The following FCHO2 variants were observed in gnomAD, a reference collection of about 807,000 sequenced individuals.
The protein encoded by FCHO2 is F-BAR domain only protein 2.
Under a neutral mutation model 114.1 loss-of-function variants are expected in FCHO2, and 43 were observed. The observed-to-expected ratio is 0.38, with a 90% CI of 0.30 to 0.49. The LOEUF is 0.49. Ranked by LOEUF, FCHO2 falls within the 20% of genes least tolerant of loss-of-function variation. The probability of loss-of-function intolerance (pLI) is 0.97; values close to 1 mark genes in which losing one functional copy is unlikely to be tolerated. For synonymous variants in FCHO2, 293 were observed against 315.2 expected, an observed-to-expected ratio of 0.93 and a Z score of 0.75; for missense variants, 807 against 950.4, an observed-to-expected ratio of 0.85 and a Z score of 1.98.
chr5:72,977,796 A>G (rs764441072), intron 2 of FCHO2, among the ~76,000 whole-genome samples: 10 of 152,150 alleles, frequency 6.6e-5, no homozygotes, highest in Non-Finnish European at 1.2e-4. Context: ...AATTTTTTGT[A>G]TAAGGTGTAA....
At chr5:73,079,803 C>T (rs1743032568) in intron 22 of FCHO2, among the ~76,000 whole-genome samples, 1 of 152,116 alleles carries the variant, frequency 6.6e-6, no homozygotes. Context: ...CCCACAGGGC[C>T]AACTATGTTT....
At chr5:72,961,482 T>A (rs909718524) in intron 1 of FCHO2, among the ~76,000 whole-genome samples, 1 of 152,202 alleles carries the variant, frequency 6.6e-6, no homozygotes, top group Non-Finnish European at 1.5e-5. Context: ...CTTTATACAT[T>A]AAGAGATTTG....
rs746686999 is a variant in FCHO2 at position 73,052,358 on chromosome 5, T to C, written c.1024T>C (p.Ser342Pro). ...NDTKENHFYS[S>P]SDSDSEDEEP... Reference sequence around the variant, plus strand: ...TACCAAAGAGAACCATTTCTACTCATCTAGTGATTCTGACTCCGAAGATGA... The same window carrying C: ...TACCAAAGAGAACCATTTCTACTCACCTAGTGATTCTGACTCCGAAGATGA... Residue 342 changes from serine (S) to proline (P), a missense_variant, in exon 13 of 26, where the codon TCT (serine) becomes CCT (proline). Physicochemically the swap from Ser to Pro is moderately conservative, Grantham distance 74. Coordinates refer to ENST00000430046, the MANE Select transcript of FCHO2 (RefSeq NM_138782.3). The C allele has an allele frequency of 6.2e-7, 1 of 1,608,922 alleles. No individual in the cohort carries two copies. The highest frequency in any genetic ancestry group is 8.5e-7 in the Non-Finnish European group (1 of 1,177,454).
chr5:73,034,868 G>A (rs1440364874), intron 9 of FCHO2, among the ~76,000 whole-genome samples, 167 bp downstream of exon 9: 1 of 152,150 alleles, frequency 6.6e-6, no homozygotes, highest in Non-Finnish European at 1.5e-5. Flanking sequence ...GCTACTTGCT[G>A]CTTAATAAAT....
At chr5:72,992,456 G>A (rs529995777) in intron 5 of FCHO2, among the ~76,000 whole-genome samples, 4 of 152,244 alleles carry the variant, frequency 2.6e-5, no homozygotes, top group South Asian at 2.1e-4. Flanking sequence ...AAAATGGCAC[G>A]TAGAGATTGA....
chr5:72,991,001 C>A, intron 5 of FCHO2, 137 bp downstream of exon 5: 1 of 908,554 alleles, frequency 1.1e-6, no homozygotes. Flanking sequence ...TAGTGATTAC[C>A]CAAGTAAAAC....
chr5:73,054,415 A>G lies in FCHO2; in HGVS notation c.1186-110A>G, dbSNP rs903557814. 2.4e-4 allele frequency: 230 copies of G among 974,112 alleles called. 1 individual carries two copies. In the African/African-American group the frequency reaches 3.2e-3, roughly 13 times the overall value. 60.3% of individuals were successfully genotyped at this position (974,112 alleles called of 1,614,324 possible). A position where few individuals can be genotyped will look rare whatever the true frequency, so the allele number is the denominator to read the frequency against. On this transcript the variant is annotated intron_variant, in intron 14 of 25. Transcript: ENST00000430046. ...ATGTAAATACACTTTACAATTGAGC[A>G]GATATACTAAAAACAACATAAAATT...
chr5:73,055,540 G>A (rs979460099), intron 15 of FCHO2, among the ~76,000 whole-genome samples: 3 of 152,074 alleles, frequency 2.0e-5, no homozygotes, highest in African/African-American at 7.2e-5. Context: ...GTGAAATGAG[G>A]CACATTACAA....
At chr5:73,054,502 C>A in intron 14 of FCHO2, 23 bp from the exon 15 acceptor site, 1 of 1,527,064 alleles carries the variant, frequency 6.5e-7, no homozygotes, top group Non-Finnish European at 8.8e-7. Flanking sequence ...TTTTATGGTA[C>A]CTATTTTGCA....
chr5:73,038,546 G>T (rs2112803956), intron 10 of FCHO2, among the ~76,000 whole-genome samples: 1 of 152,310 alleles, frequency 6.6e-6, no homozygotes, highest in East Asian at 1.9e-4. Context: ...ATTCTCATGA[G>T]ATTTAATATT....
intron 19 of FCHO2, among the ~76,000 whole-genome samples, chr5:73,070,624 G>A (rs1242329532): frequency 6.7e-6 from 1 of 148,820 alleles, no homozygotes; most frequent in African/African-American, 2.5e-5. Flanking sequence ...TGTTTGTGAT[G>A]GAAACTTTAA....
rs112459766 is a variant in FCHO2 at position 72,963,074 on chromosome 5, A to G, written c.34-5424A>G. On this transcript the variant is annotated intron_variant, in intron 1 of 25. Coordinates refer to ENST00000430046, the MANE Select transcript of FCHO2 (RefSeq NM_138782.3). ...ATGTTGCTGGAATGGCCAGAGTCAG[A>G]GATAATTAAACTGGAAAGTGTTACA... Among the ~76,000 whole-genome samples the G allele has an allele frequency of 1.3e-3, 201 of 152,290 alleles. 1 individual carries two copies. Among genetic ancestry groups the G allele is most frequent in the African/African-American group, 4.7e-3 (194 of 41,562 alleles).
chr5:73,078,410 TC>T, intron 22 of FCHO2, 98 bp downstream of exon 22: 1 of 1,088,068 alleles, frequency 9.2e-7, no homozygotes, highest in Non-Finnish European at 1.3e-6. Flanking sequence ...GTGAGTTTTT[TC>T]CCAGAAATTC....
intron 9 of FCHO2, among the ~76,000 whole-genome samples, chr5:73,035,334 G>A (rs1002425188): frequency 1.3e-5 from 2 of 152,070 alleles, no homozygotes; most frequent in African/African-American, 4.8e-5. Flanking sequence ...TAGAAGGATT[G>A]CTGGAGCCTG....
chr5:73,058,398 C>T (rs757239320), intron 16 of FCHO2, 35 bp from the exon 17 acceptor site: 55 of 1,415,430 alleles, frequency 3.9e-5, no homozygotes, highest in South Asian at 2.7e-5. Context: ...AAAATATTCT[C>T]GTTAAAATTT....
intron 10 of FCHO2, chr5:73,037,760 C>CTT (rs762112815): frequency 2.6e-3 from 857 of 332,864 alleles, no homozygotes; most frequent in South Asian, 5.3e-3. Flanking sequence ...GATTTACCTT[C>CTT]TTTTTTTTTT....
intron 1 of FCHO2, among the ~76,000 whole-genome samples, chr5:72,960,355 G>A (rs1273520139): frequency 6.6e-6 from 1 of 152,124 alleles, no homozygotes; most frequent in Non-Finnish European, 1.5e-5. Context: ...TTTTGTTATT[G>A]ATAAGTCAGT....
intron 5 of FCHO2, among the ~76,000 whole-genome samples, chr5:72,992,116 A>G (rs949220480): frequency 6.6e-6 from 1 of 152,230 alleles, no homozygotes. Flanking sequence ...TACATGGGCA[A>G]AAAACTAGAA....
At chr5:72,965,501 G>T (rs1173118705) in intron 1 of FCHO2, among the ~76,000 whole-genome samples, 2 of 152,158 alleles carry the variant, frequency 1.3e-5, no homozygotes, top group Non-Finnish European at 2.9e-5. Context: ...TAAAAATGCA[G>T]TATTTTCAAA....
Sources: gnomAD v4.1 joint callset for allele counts (sites outside exome capture counted in the v4.1 genomes callset) on GRCh38, gnomAD v4.1.1 for gene constraint, MANE v1.5 for transcripts, NCBI Gene and HGNC (gene_info 2026-07-23, HGNC 2026-07-21) for gene names.